The following CYP4F22 variants were observed in gnomAD, a reference collection of about 807,000 sequenced individuals.
The protein encoded by CYP4F22 is ultra-long-chain fatty acid omega-hydroxylase.
CYP4F22 carries 37 observed loss-of-function variants against 60.4 expected under a neutral mutation model. The ratio of observed to expected loss-of-function variants is 0.61; its 90% CI spans 0.47 to 0.81. CYP4F22 has a LOEUF of 0.81. Among genes scored for constraint, CYP4F22 ranks in the 30% least tolerant of loss-of-function variants. The pLI is 0.00. For missense variants in CYP4F22, 655 were observed against 715.0 expected, an observed-to-expected ratio of 0.92 and a Z score of 0.96; for synonymous variants, 258 against 280.5, an observed-to-expected ratio of 0.92 and a Z score of 0.80.
Position 15,529,789 on chromosome 19 carries a change from A to G in CYP4F22, c.303A>G (p.Gly101=), listed in dbSNP as rs1599799443. Residue 101 remains glycine (G), a synonymous_variant, in exon 4 of 14, where the codon GGA becomes GGG. Transcript: ENST00000269703. ...ACCATGTACTCTTGGTATGGATGGG[A>G]CCTGTCCTGCCGCTGTTGGTTCTGG... ...NMHHVLLVWM[G]PVLPLLVLVH... is the part of the protein sequence containing the mutation. 1 of 1,614,066 alleles carries G rather than the reference A, an allele frequency of 6.2e-7. No individual in the cohort carries two copies. Among genetic ancestry groups the G allele is most frequent in the Non-Finnish European group, 8.5e-7 (1 of 1,180,022 alleles).
chr19:15,515,913 T>C (rs545704679), intron 1 of CYP4F22, among the ~76,000 whole-genome samples: 465 of 151,974 alleles, frequency 3.1e-3, no homozygotes, highest in Non-Finnish European at 4.2e-3. Flanking sequence ...TTAGTAGAGA[T>C]GGGGTTTCAC....
chr19:15,516,822 A>C, intron 1 of CYP4F22: 1 of 409,748 alleles, frequency 2.4e-6, no homozygotes, highest in Non-Finnish European at 3.9e-6. Context: ...ACGTGGCCTG[A>C]AGAGATGTTA....
intron 12 of CYP4F22, 51 bp downstream of exon 12, chr19:15,549,253 GC>G: frequency 1.3e-6 from 2 of 1,594,090 alleles, no homozygotes; most frequent in South Asian, 2.2e-5. Flanking sequence ...CCTCCCCTGC[GC>G]CCCAGGGAGC....
In CYP4F22 at chr19:15,540,706, C is replaced by T. The variant is rs752999090; in HGVS notation, c.928C>T (p.Leu310Phe). ...GKTLDFIDVLLLARDEDGKEL... is the reference protein window; with the variant it reads ...GKTLDFIDVLFLARDEDGKEL... ...GACCTTGGACTTTATTGATGTGCTG[C>T]TCCTGGCCAGGGTGAGGCTGGGCCC... Residue 310 changes from leucine to phenylalanine, a missense_variant, in exon 8 of 14, where the codon CTC (leucine) becomes TTC (phenylalanine). Coordinates refer to ENST00000269703, the MANE Select transcript of CYP4F22 (RefSeq NM_173483.4). 6 of 1,601,368 alleles carry T rather than the reference C, an allele frequency of 3.7e-6. No homozygotes were observed. The South Asian group carries it at 6.6e-5, about 18-fold the overall frequency.
intron 11 of CYP4F22, among the ~76,000 whole-genome samples, 192 bp from the exon 12 acceptor site, chr19:15,548,946 G>T (rs1418732262): frequency 3.3e-5 from 5 of 152,162 alleles, no homozygotes; most frequent in Non-Finnish European, 5.9e-5. Context: ...CCAGAAAGAA[G>T]ATGATAGGTT....
At chr19:15,514,435 C>G (rs1284107324) in intron 1 of CYP4F22, among the ~76,000 whole-genome samples, 4 of 152,170 alleles carry the variant, frequency 2.6e-5, no homozygotes, top group Non-Finnish European at 2.9e-5. Context: ...TGCCAGTAAT[C>G]CCAGCACTTT....
Position 15,551,387 on chromosome 19 carries a change from C to T in CYP4F22, c.1512C>T (p.Arg504=). Residue 504 remains arginine (R), a synonymous_variant, in exon 14 of 14, where the codon CGC becomes CGT. Coordinates refer to ENST00000269703, the MANE Select transcript of CYP4F22 (RefSeq NM_173483.4). The part of the protein sequence containing the change: ...LRFRLSVDRT[R]KVRRKPELIL... ...TCCGCCTGAGCGTGGACCGAACGCG[C>T]AAGGTGCGGCGGAAGCCGGAGCTCA... is the stretch of plus-strand genomic sequence containing the variant. The T allele has an allele frequency of 6.2e-7, 1 of 1,609,768 alleles. No homozygotes were observed. Among genetic ancestry groups the T allele is most frequent in the South Asian group, 1.1e-5 (1 of 90,208 alleles).
chr19:15,536,428 C>G (rs1052819959), intron 4 of CYP4F22, among the ~76,000 whole-genome samples: 29 of 152,066 alleles, frequency 1.9e-4, no homozygotes, highest in African/African-American at 6.0e-4. Flanking sequence ...GAGATTTGGA[C>G]AAAGGCAAAT....
intron 1 of CYP4F22, among the ~76,000 whole-genome samples, chr19:15,513,406 C>T (rs564565756): frequency 5.5e-5 from 8 of 144,434 alleles, no homozygotes; most frequent in African/African-American, 1.3e-4. Flanking sequence ...ACTCTGTCAC[C>T]GAGGCTGGAG....
At chr19:15,540,842 TGGGA>T in intron 8 of CYP4F22, 125 bp downstream of exon 8, 1 of 1,252,534 alleles carries the variant, frequency 8.0e-7, no homozygotes, top group Non-Finnish European at 1.1e-6. Context: ...CCCAGCGCTT[TGGGA>T]GGCCAAGGCG....
At chr19:15,549,367 A>G (rs1971569095) in intron 12 of CYP4F22, among the ~76,000 whole-genome samples, 165 bp downstream of exon 12, 1 of 152,170 alleles carries the variant, frequency 6.6e-6, no homozygotes, top group Admixed American at 6.6e-5. Flanking sequence ...AGGGCAGAAA[A>G]TATTTATTGA....
chr19:15,512,507 T>C (rs1455333378), intron 1 of CYP4F22, among the ~76,000 whole-genome samples: 1 of 152,124 alleles, frequency 6.6e-6, no homozygotes, highest in Admixed American at 6.5e-5. Flanking sequence ...GGTTTCATCA[T>C]GTTGCCCAGG....
chr19:15,544,535 T>C (rs530296176), intron 10 of CYP4F22, among the ~76,000 whole-genome samples: 20 of 152,358 alleles, frequency 1.3e-4, no homozygotes, highest in African/African-American at 4.3e-4. Context: ...CTTAGTGGTT[T>C]ACAGCAAGCA....
intron 4 of CYP4F22, among the ~76,000 whole-genome samples, chr19:15,532,732 T>C (rs1384716071): frequency 1.3e-5 from 2 of 152,048 alleles, no homozygotes; most frequent in African/African-American, 4.8e-5. Context: ...GAGCATCAGT[T>C]TCCTGAGCAC....
chr19:15,547,880 T>A (rs1971544612), intron 10 of CYP4F22, among the ~76,000 whole-genome samples: 3 of 151,402 alleles, frequency 2.0e-5, no homozygotes, highest in Admixed American at 1.3e-4. Flanking sequence ...TAAATATTAG[T>A]ACTTCCCACC....
intron 1 of CYP4F22, among the ~76,000 whole-genome samples, chr19:15,512,618 T>G (rs1388729317): frequency 6.6e-6 from 1 of 151,802 alleles, no homozygotes; most frequent in East Asian, 1.9e-4. Context: ...ATTTTTTTGT[T>G]TTTTAGTAGA....
chr19:15,519,485 A>C (rs547546349), intron 1 of CYP4F22, among the ~76,000 whole-genome samples: 2 of 152,098 alleles, frequency 1.3e-5, no homozygotes, highest in South Asian at 4.2e-4. Flanking sequence ...CTGGTCTCGA[A>C]CTCCTGACCT....
intron 4 of CYP4F22, among the ~76,000 whole-genome samples, chr19:15,533,431 T>C (rs979521493): frequency 8.5e-5 from 13 of 152,150 alleles, no homozygotes; most frequent in Admixed American, 6.6e-5. Flanking sequence ...TCCCATCCGC[T>C]GGTAACCTCG....
At chr19:15,533,590 T>TC (rs1222122804) in intron 4 of CYP4F22, among the ~76,000 whole-genome samples, 3 of 131,554 alleles carry the variant, frequency 2.3e-5, no homozygotes, top group African/African-American at 9.0e-5. Context: ...TCAGTTTCAT[T>TC]CTTTTTTTTT....
Sources: gnomAD v4.1 joint callset for allele counts (sites outside exome capture counted in the v4.1 genomes callset) on GRCh38, gnomAD v4.1.1 for gene constraint, MANE v1.5 for transcripts, NCBI Gene and HGNC (gene_info 2026-07-23, HGNC 2026-07-21) for gene names.